The following DPP4 variants were observed in gnomAD, a reference collection of about 807,000 sequenced individuals.
DPP4 encodes the protein ADCP-2.
DPP4 carries 93 observed loss-of-function variants against 122.4 expected under a neutral mutation model. The observed-to-expected ratio is 0.76, with a 90% CI of 0.64 to 0.90. The LOEUF (loss-of-function observed/expected upper bound fraction) is 0.90, where lower values mean the gene tolerates loss of function less well. DPP4 is among the 40% of genes least tolerant of loss of function. The probability of loss-of-function intolerance (pLI) is 0.00; values close to 1 mark genes in which losing one functional copy is unlikely to be tolerated. For synonymous variants in DPP4, 321 were observed against 302.9 expected (o/e 1.06, Z -0.62); for missense variants, 914 against 907.3 (o/e 1.01, Z -0.09).
At chr2:162,052,927 G>A (rs73971555) in intron 2 of DPP4, among the ~76,000 whole-genome samples, 5,915 of 152,214 alleles carry the variant, frequency 0.039, 266 homozygotes, top group African/African-American at 0.1. Context: ...AGTGGCACTC[G>A]GCTGAATTGT....
rs1244240544 is a variant in DPP4 at position 162,016,790 on chromosome 2, G to T, written c.1545C>A (p.Asp515Glu). The T allele has an allele frequency of 2.5e-6, 4 of 1,612,314 alleles. No homozygotes were observed. Among genetic ancestry groups the T allele is most frequent in the Non-Finnish European group, 3.4e-6 (4 of 1,179,504 alleles). The part of the protein sequence containing the change: ...QNVQMPSKKL[D>E]FIILNETKFW... ...TACTTGTTTCATTCAAAATAATGAA[G>T]TCCAGTTTTTTGGAGGGCATCTGGA... is the stretch of plus-strand genomic sequence containing the variant. The change falls in exon 18 of 26, where the codon GAC (aspartate) becomes GAA (glutamate). Residue 515 changes from aspartate (D) to glutamate (E), a missense_variant. By Grantham distance (45) the Asp-to-Glu change is conservative. Transcript: ENST00000360534.
Position 162,038,384 on chromosome 2 carries a change from T to C in DPP4, c.531A>G (p.Glu177=), listed in dbSNP as rs142758216. The C allele has an allele frequency of 1.1e-4, 175 of 1,609,022 alleles. No homozygotes were observed. In the African/African-American group the frequency reaches 2.1e-3, roughly 20 times the overall value. The change falls in exon 8 of 26, where the codon GAA becomes GAG. Residue 177 remains glutamate, a synonymous_variant. Transcript: ENST00000360534. ...TGATTCTGTAACTTGGTAAATTTGG[T>C]TCAATTTTAACATAAATGTCATTGT... ...VWNNDIYVKI[E]PNLPSYRITW... is the part of the protein sequence containing the mutation.
At chr2:162,016,898 T>C (rs1158823124) in intron 17 of DPP4, 32 bp from the exon 18 acceptor site, 1 of 1,582,986 alleles carries the variant, frequency 6.3e-7, no homozygotes, top group African/African-American at 1.4e-5. Flanking sequence ...CAGTCATTCA[T>C]TACAATGTGA....
chr2:162,035,345 TTC>T, intron 8 of DPP4, 21 bp from the exon 9 acceptor site: 1 of 1,608,020 alleles, frequency 6.2e-7, no homozygotes, highest in Non-Finnish European at 8.5e-7. Context: ...ACACAAATTG[TTC>T]TGTTACAAGA....
chr2:162,021,972 C>G (rs893575403), intron 12 of DPP4, among the ~76,000 whole-genome samples: 5 of 152,134 alleles, frequency 3.3e-5, no homozygotes, highest in Non-Finnish European at 7.3e-5. Flanking sequence ...GGGGACCTCA[C>G]CTCTATGATC....
rs368330254 is a variant in DPP4, at chr2:162,050,277, C to A, written c.95-2776G>T. On this transcript the variant is annotated intron_variant, in intron 2 of 25. Transcript: ENST00000360534. ...ATTAGTTTAAAAAGTACTTAAAACA[C>A]ACCCTAAATTAGTGTAATTTGAAAT... 8.5e-5 allele frequency among the ~76,000 whole-genome samples: 13 copies of A among 152,288 alleles called. No individual in the cohort carries two copies. In the South Asian group the frequency reaches 2.7e-3, roughly 32 times the overall value.
intron 19 of DPP4, among the ~76,000 whole-genome samples, chr2:162,013,219 TA>T (rs929456433): frequency 1.3e-5 from 2 of 152,064 alleles, no homozygotes; most frequent in African/African-American, 4.8e-5. Context: ...TACCATTTTT[TA>T]AAACCTTTTC....
chr2:162,005,672 T>C (rs1701264947), intron 23 of DPP4, 73 bp downstream of exon 23: 5 of 1,281,572 alleles, frequency 3.9e-6, no homozygotes, highest in Non-Finnish European at 4.4e-6. Flanking sequence ...TTTTCTAGAA[T>C]AGATACAATT....
chr2:162,021,877 C>T (rs1158996706), intron 12 of DPP4, among the ~76,000 whole-genome samples: 1 of 148,262 alleles, frequency 6.7e-6, no homozygotes, highest in Non-Finnish European at 1.5e-5. Flanking sequence ...CCTCTCCCCT[C>T]TGCCCAATCA....
chr2:162,011,610 A>G (rs1336316719), intron 20 of DPP4, among the ~76,000 whole-genome samples, 183 bp downstream of exon 20: 1 of 152,132 alleles, frequency 6.6e-6, no homozygotes, highest in Non-Finnish European at 1.5e-5. Flanking sequence ...ACTTCATATC[A>G]ATCTATAATG....
chr2:162,063,998 T>G (rs1190049340), intron 2 of DPP4, among the ~76,000 whole-genome samples: 1 of 152,086 alleles, frequency 6.6e-6, no homozygotes, highest in Non-Finnish European at 1.5e-5. Flanking sequence ...GGCCTGGTCT[T>G]GGGTAGGAGC....
intron 8 of DPP4, 82 bp from the exon 9 acceptor site, chr2:162,035,406 T>C: frequency 7.5e-7 from 1 of 1,330,714 alleles, no homozygotes; most frequent in South Asian, 1.4e-5. Flanking sequence ...TCTCATTAGC[T>C]TTAGTAATTA....
chr2:162,069,586 T>G (rs1165189964), intron 2 of DPP4, among the ~76,000 whole-genome samples: 1 of 152,212 alleles, frequency 6.6e-6, no homozygotes, highest in Non-Finnish European at 1.5e-5. Context: ...AAGACTAACC[T>G]GCTGACCTCA....
chr2:162,019,375 C>A (rs1007113334), intron 14 of DPP4, 99 bp from the exon 15 acceptor site: 2 of 800,260 alleles, frequency 2.5e-6, no homozygotes, highest in Non-Finnish European at 3.9e-6. Context: ...GTGCACGGAG[C>A]GCGCGCACGG....
chr2:162,046,831 G>A (rs1444321067), intron 4 of DPP4, 84 bp downstream of exon 4: 3 of 889,422 alleles, frequency 3.4e-6, no homozygotes. Flanking sequence ...AACAGGTTGA[G>A]AAATGACAGT....
At chr2:162,047,590 T>C (rs758312983) in intron 2 of DPP4, 89 bp from the exon 3 acceptor site, 11 of 818,370 alleles carry the variant, frequency 1.3e-5, no homozygotes, top group African/African-American at 1.7e-5. Flanking sequence ...CTCTACAATA[T>C]ACCCTGCTCA....
intron 22 of DPP4, among the ~76,000 whole-genome samples, chr2:162,008,126 C>A (rs916774444): frequency 1.3e-5 from 2 of 151,970 alleles, no homozygotes; most frequent in East Asian, 1.9e-4. Context: ...TGAAAAAAAA[C>A]AACAACCCCC....
intron 2 of DPP4, among the ~76,000 whole-genome samples, chr2:162,066,369 G>A (rs1238097017): frequency 6.6e-6 from 1 of 152,008 alleles, no homozygotes; most frequent in Non-Finnish European, 1.5e-5. Flanking sequence ...AGAGTCAGAG[G>A]CATATTTTTG....
intron 2 of DPP4, among the ~76,000 whole-genome samples, chr2:162,061,618 T>C (rs769687578): frequency 5.9e-5 from 9 of 152,174 alleles, no homozygotes; most frequent in Non-Finnish European, 1.0e-4. Flanking sequence ...TATACATGAT[T>C]TAGTACTGAG....
Sources: gnomAD v4.1 joint callset for allele counts (sites outside exome capture counted in the v4.1 genomes callset) on GRCh38, gnomAD v4.1.1 for gene constraint, MANE v1.5 for transcripts, NCBI Gene and HGNC (gene_info 2026-07-23, HGNC 2026-07-21) for gene names.